The following EPB41L4A variants were observed in gnomAD, a reference collection of about 807,000 sequenced individuals.
The protein encoded by EPB41L4A is band 4.1-like protein 4A.
A neutral mutation model predicts 108.6 loss-of-function variants in EPB41L4A; 100 were observed. The ratio of observed to expected loss-of-function variants is 0.92; its 90% confidence interval spans 0.78 to 1.09. The LOEUF (loss-of-function observed/expected upper bound fraction) is 1.09. Ranked by LOEUF, EPB41L4A falls within the 50% of genes least tolerant of loss-of-function variation. The pLI is 0.00. For synonymous variants in EPB41L4A, 319 were observed against 289.0 expected (o/e 1.10, Z -1.05); for missense variants, 1,030 against 842.7 (o/e 1.22, Z -2.75).
chr5:112,177,320 G>A (rs920453304), intron 18 of EPB41L4A, among the ~76,000 whole-genome samples: 8 of 152,226 alleles, frequency 5.3e-5, no homozygotes, highest in Non-Finnish European at 1.0e-4. Context: ...GGTTGAGTCC[G>A]TTTCAAACTG....
rs547968639 is a variant in EPB41L4A at position 112,414,934 on chromosome 5, C to G, written c.99+4007G>C. ...CCAATCAAGACCACAGTGAATCTTA[C>G]GTTTGTGTGTGATTACTTGCTTCTA... On this transcript the variant is annotated intron_variant, in intron 1 of 22. Coordinates refer to ENST00000261486, the MANE Select transcript of EPB41L4A (RefSeq NM_022140.5). 2.6e-5 allele frequency among the ~76,000 whole-genome samples: 4 copies of G among 152,188 alleles called. No individual in the cohort carries two copies. The East Asian group carries it at 5.8e-4, about 22-fold the overall frequency.
At chr5:112,146,240 C>G (rs1759251106) in intron 12 of EPB41L4A, among the ~76,000 whole-genome samples, 2 of 152,188 alleles carry the variant, frequency 1.3e-5, no homozygotes, top group African/African-American at 4.8e-5. Context: ...ACCATGATTT[C>G]TGGGAAGGTT....
At chr5:112,210,639 T>C (rs1305599674) in intron 12 of EPB41L4A, among the ~76,000 whole-genome samples, 15 of 152,260 alleles carry the variant, frequency 9.9e-5, no homozygotes, top group Non-Finnish European at 5.9e-5. Context: ...TTGGAAGTCA[T>C]GATCGAAATA....
At chr5:112,301,503 T>C (rs1754360980) in intron 2 of EPB41L4A, among the ~76,000 whole-genome samples, 1 of 152,156 alleles carries the variant, frequency 6.6e-6, no homozygotes, top group Non-Finnish European at 1.5e-5. Flanking sequence ...ATGTGAACCA[T>C]CTTCATGTCT....
At chr5:112,335,931 CT>C (rs1303934034) in intron 1 of EPB41L4A, among the ~76,000 whole-genome samples, 2 of 152,298 alleles carry the variant, frequency 1.3e-5, no homozygotes, top group Non-Finnish European at 2.9e-5. Context: ...TGCTTCACAC[CT>C]GCTATCTCCT....
At chr5:112,333,199 G>C (rs548716582) in intron 1 of EPB41L4A, among the ~76,000 whole-genome samples, 1 of 152,152 alleles carries the variant, frequency 6.6e-6, no homozygotes, top group African/African-American at 2.4e-5. Context: ...CTCTGGCTGA[G>C]AAGCTGCACC....
chr5:112,218,884 A>T (rs1255683876), intron 12 of EPB41L4A, among the ~76,000 whole-genome samples: 1 of 152,202 alleles, frequency 6.6e-6, no homozygotes, highest in South Asian at 2.1e-4. Flanking sequence ...TTTCATGAAA[A>T]GTTTAAATAG....
chr5:112,259,321 C>T, intron 8 of EPB41L4A, 29 bp from the exon 9 acceptor site: 1 of 1,596,840 alleles, frequency 6.3e-7, no homozygotes, highest in Non-Finnish European at 8.6e-7. Context: ...GGTGTTGCTG[C>T]TGTTTTTAAG....
At chr5:112,385,015 G>T (rs372918756) in intron 1 of EPB41L4A, among the ~76,000 whole-genome samples, 23 of 152,316 alleles carry the variant, frequency 1.5e-4, no homozygotes, top group African/African-American at 5.5e-4. Flanking sequence ...GAAGACACTG[G>T]AAGTAGCCCG....
At chr5:112,235,410 A>G (rs35368594) in intron 11 of EPB41L4A, among the ~76,000 whole-genome samples, 11,497 of 152,238 alleles carry the variant, frequency 0.076, 509 homozygotes, top group African/African-American at 0.1. Flanking sequence ...ATTTCAGTGA[A>G]CATTCACCTT....
At chr5:112,401,525 T>C (rs972785891) in intron 1 of EPB41L4A, among the ~76,000 whole-genome samples, 2 of 152,216 alleles carry the variant, frequency 1.3e-5, no homozygotes, top group Non-Finnish European at 2.9e-5. Context: ...ACAGCAAATA[T>C]GTAAATATGT....
At chr5:112,394,711 GA>G (rs1761209217) in intron 1 of EPB41L4A, among the ~76,000 whole-genome samples, 1 of 152,170 alleles carries the variant, frequency 6.6e-6, no homozygotes, top group South Asian at 2.1e-4. Context: ...AGCTACCAAT[GA>G]CTTTCTTCAC....
intron 1 of EPB41L4A, among the ~76,000 whole-genome samples, chr5:112,414,311 C>T (rs964407386): frequency 5.3e-5 from 8 of 152,126 alleles, no homozygotes; most frequent in Non-Finnish European, 8.8e-5. Flanking sequence ...AAAGTTACCC[C>T]GCATTCAATA....
chr5:112,190,733 G>A (rs1761655878), intron 17 of EPB41L4A, among the ~76,000 whole-genome samples: 1 of 152,066 alleles, frequency 6.6e-6, no homozygotes, highest in African/African-American at 2.4e-5. Flanking sequence ...CAACTTTAAA[G>A]AGAAAAAAAC....
chr5:112,159,765 T>C (rs141054266), downstream of EPB41L4A, among the ~76,000 whole-genome samples: 429 of 152,342 alleles, frequency 2.8e-3, 6 homozygotes, highest in African/African-American at 9.7e-3. Flanking sequence ...GCTGGAAGTA[T>C]AAAATATACA....
intron 18 of EPB41L4A, among the ~76,000 whole-genome samples, chr5:112,177,779 ATACT>A (rs1451592989): frequency 6.6e-6 from 1 of 152,206 alleles, no homozygotes; most frequent in Non-Finnish European, 1.5e-5. Flanking sequence ...GATAAGAATC[ATACT>A]TACAGAGAGA....
chr5:112,419,561 G>T (rs1470223649), upstream of EPB41L4A: 1 of 440,964 alleles, frequency 2.3e-6, no homozygotes, highest in East Asian at 7.1e-5. Context: ...TTCCAGCCGC[G>T]ACCCCGCCCC....
chr5:112,280,160 C>A, intron 3 of EPB41L4A, 112 bp downstream of exon 3: 1 of 844,752 alleles, frequency 1.2e-6, no homozygotes, highest in Non-Finnish European at 2.0e-6. Context: ...TACTCAAGTA[C>A]TAGTATTCAC....
chr5:112,318,017 G>C (rs996434744), intron 1 of EPB41L4A, among the ~76,000 whole-genome samples: 3 of 152,040 alleles, frequency 2.0e-5, no homozygotes, highest in African/African-American at 4.8e-5. Flanking sequence ...TGCAAAATAG[G>C]CAATTCTGAT....
Sources: gnomAD v4.1 joint callset for allele counts (sites outside exome capture counted in the v4.1 genomes callset) on GRCh38, gnomAD v4.1.1 for gene constraint, MANE v1.5 for transcripts, NCBI Gene and HGNC (gene_info 2026-07-23, HGNC 2026-07-21) for gene names.